Variants in ADRA1A observed in about 807,000 individuals in gnomAD.
The protein encoded by ADRA1A is adrenoceptor alpha 1A.
In ADRA1A, 31 loss-of-function variants were observed where a neutral mutation model predicts 29.6. The observed-to-expected ratio is 1.05, with a 90% CI of 0.79 to 1.41. ADRA1A has a LOEUF of 1.41. Ranked by LOEUF, ADRA1A falls within the 40% of genes most tolerant of loss-of-function variation. The pLI is 0.00. For missense variants in ADRA1A, 619 were observed against 601.1 expected, an observed-to-expected ratio of 1.03 and a Z score of -0.31; for synonymous variants, 311 against 254.3, an observed-to-expected ratio of 1.22 and a Z score of -2.12.
chr8:26,784,715 A>G (rs1383321437), intron 2 of ADRA1A, among the ~76,000 whole-genome samples: 1 of 152,158 alleles, frequency 6.6e-6, no homozygotes, highest in African/African-American at 2.4e-5. Context: ...GAACCTGGGG[A>G]TCTGGCATGA....
At chr8:26,840,966 T>C (rs1482416294) in intron 2 of ADRA1A, among the ~76,000 whole-genome samples, 1 of 152,160 alleles carries the variant, frequency 6.6e-6, no homozygotes, top group Non-Finnish European at 1.5e-5. Context: ...ATAGCAGGAA[T>C]AGGCTGGTTG....
chr8:26,771,608 A>C (rs1437183600), intron 2 of ADRA1A, among the ~76,000 whole-genome samples: 1 of 152,230 alleles, frequency 6.6e-6, no homozygotes, highest in Non-Finnish European at 1.5e-5. Context: ...AAATGGAACA[A>C]CCTTAAGGAT....
intron 2 of ADRA1A, among the ~76,000 whole-genome samples, chr8:26,818,890 AAG>A (rs199933241): frequency 4.0e-5 from 6 of 151,676 alleles, no homozygotes; most frequent in Admixed American, 6.6e-5. Context: ...TTAAGAGGAA[AAG>A]AGAGAGAGAG....
At chr8:26,786,205 G>GGCCA (rs1807370057) in intron 2 of ADRA1A, among the ~76,000 whole-genome samples, 1 of 151,318 alleles carries the variant, frequency 6.6e-6, no homozygotes, top group Non-Finnish European at 1.5e-5. Context: ...CCCCTGCTCT[G>GGCCA]GCCACCCTGA....
intron 2 of ADRA1A, among the ~76,000 whole-genome samples, chr8:26,820,097 G>C (rs1409792177): frequency 6.6e-6 from 1 of 151,864 alleles, no homozygotes; most frequent in African/African-American, 2.4e-5. Context: ...AATATATGAA[G>C]CAAATATTAC....
intron 2 of ADRA1A, among the ~76,000 whole-genome samples, chr8:26,840,326 T>A (rs1811726439): frequency 6.6e-6 from 1 of 152,076 alleles, no homozygotes; most frequent in African/African-American, 2.4e-5. Flanking sequence ...TAGGAGAAGG[T>A]GTTGCATGCA....
chr8:26,784,308 G>A lies in ADRA1A; in HGVS notation c.884-13642C>T, dbSNP rs913709669. ...CCAGCCATGTTTCTAAGAAAAAGTC[G>A]TTTCCCGCTGTCGGGATTCCCCTCT... On this transcript the variant is annotated intron_variant, in intron 2 of 2. Transcript: ENST00000380573. 4.6e-5 allele frequency among the ~76,000 whole-genome samples: 7 copies of A among 152,190 alleles called. No individual in the cohort carries two copies. In the East Asian group the frequency reaches 7.7e-4, roughly 17 times the overall value.
At chr8:26,752,847 G>C (rs1804977841), downstream of ADRA1A, among the ~76,000 whole-genome samples, 1 of 152,178 alleles carries the variant, frequency 6.6e-6, no homozygotes, top group Non-Finnish European at 1.5e-5. Flanking sequence ...TATACGGCAG[G>C]CATTTCCTTA....
chr8:26,802,112 A>G (rs893501913), intron 2 of ADRA1A, among the ~76,000 whole-genome samples: 1 of 152,050 alleles, frequency 6.6e-6, no homozygotes, highest in Non-Finnish European at 1.5e-5. Context: ...ATTAAAGACT[A>G]TGAAACTACT....
At chr8:26,863,235 A>G (rs1813614191) in intron 2 of ADRA1A, among the ~76,000 whole-genome samples, 2 of 152,214 alleles carry the variant, frequency 1.3e-5, no homozygotes, top group South Asian at 4.1e-4. Flanking sequence ...TCATTGAAGG[A>G]GATAGATGTC....
chr8:26,864,453 C>G lies in ADRA1A; in HGVS notation c.517G>C (p.Glu173Gln). 1 of 1,613,452 alleles carries G rather than the reference C, an allele frequency of 6.2e-7. No individual in the cohort carries two copies. The highest frequency in any genetic ancestry group is 8.5e-7 in the Non-Finnish European group (1 of 1,180,034). Reference protein sequence around the residue: ...FGWRQPAPEDETICQINEEPG... With the variant: ...FGWRQPAPEDQTICQINEEPG... ...TCCTCGTTGATCTGGCAGATGGTCT[C>G]GTCCTCGGGGGCCGGCTGCCTCCAG... Residue 173 changes from glutamate to glutamine, a missense_variant, in exon 2 of 3, where the codon GAG becomes CAG. Transcript: ENST00000380573. The surrounding 1 kb of genome is among the most constrained non-coding windows in gnomAD (Gnocchi z 8.1).
Position 26,775,886 on chromosome 8 carries a change from G to A in ADRA1A, c.884-5220C>T, listed in dbSNP as rs561120506. ...CTCACTTCCACTGTAAAGGCCTCTA[G>A]ATGCCAAGAAGAAATTGAAACGAAT... is the stretch of plus-strand genomic sequence containing the variant. On this transcript the variant is annotated intron_variant, in intron 2 of 2. Coordinates refer to ENST00000380573, the MANE Select transcript of ADRA1A (RefSeq NM_000680.4). This position sits in a 1 kb window ranked among gnomAD's most constrained non-coding sequence, Gnocchi z 4.1. Among the ~76,000 whole-genome samples, 1 of 152,290 alleles carries A rather than the reference G, an allele frequency of 6.6e-6. No homozygotes were observed. The highest frequency in any genetic ancestry group is 6.5e-5 in the Admixed American group (1 of 15,300).
intron 2 of ADRA1A, among the ~76,000 whole-genome samples, chr8:26,834,923 C>A (rs1585794472): frequency 6.6e-6 from 1 of 152,094 alleles, no homozygotes; most frequent in African/African-American, 2.4e-5. Context: ...CTCAAATCAT[C>A]GTGTAAAGGG....
At position 26,787,155 on chromosome 8, in the gene ADRA1A, T is replaced by C. The variant is rs7821620; in HGVS notation, c.884-16489A>G. ...CAAACTCATGTTTTAAATTTCTAGATGATGCTATCTGCGAATCTGTCACTG... is the reference window on the plus strand; with the variant it reads ...CAAACTCATGTTTTAAATTTCTAGACGATGCTATCTGCGAATCTGTCACTG... On this transcript the variant is annotated intron_variant, in intron 2 of 2. Transcript: ENST00000380573. This position sits in a 1 kb window ranked among gnomAD's most constrained non-coding sequence, Gnocchi z 4.2. Among the ~76,000 whole-genome samples the C allele has an allele frequency of 0.34, 51,278 of 151,988 alleles. 9,971 individuals are homozygous for C. The highest frequency in any genetic ancestry group is 0.84 in the East Asian group (4,330 of 5,154).
chr8:26,809,141 C>T (rs61761840), intron 2 of ADRA1A, among the ~76,000 whole-genome samples: 10 of 152,170 alleles, frequency 6.6e-5, no homozygotes, highest in East Asian at 5.8e-4. Context: ...ACAATTTCAA[C>T]GGGCATTTCC....
chr8:26,753,567 T>G (rs189585122), downstream of ADRA1A, among the ~76,000 whole-genome samples: 16 of 152,316 alleles, frequency 1.1e-4, no homozygotes, highest in East Asian at 3.1e-3. Flanking sequence ...CTTATTTACT[T>G]ATTTCCTACA....
At chr8:26,827,220 C>T (rs1434118869) in intron 2 of ADRA1A, among the ~76,000 whole-genome samples, 1 of 152,170 alleles carries the variant, frequency 6.6e-6, no homozygotes, top group Non-Finnish European at 1.5e-5. Flanking sequence ...TTTCTAAAAA[C>T]TGCCACAAGA....
Position 26,787,601 on chromosome 8 carries a change from A to G in ADRA1A, c.884-16935T>C, listed in dbSNP as rs1807493963. Among the ~76,000 whole-genome samples, 1 of 151,920 alleles carries G rather than the reference A, an allele frequency of 6.6e-6. No individual in the cohort carries two copies. The highest frequency in any genetic ancestry group is 2.1e-4 in the South Asian group (1 of 4,804). ...TGGAGAGAAGGGAAAAGTGAAGGAG[A>G]GATGATAACAGAAATAGTTACCATC... On this transcript the variant is annotated intron_variant, in intron 2 of 2. Coordinates refer to ENST00000380573, the MANE Select transcript of ADRA1A (RefSeq NM_000680.4). The surrounding 1 kb of genome is among the most constrained non-coding windows in gnomAD (Gnocchi z 4.2).
Position 26,796,151 on chromosome 8 carries a change from G to C in ADRA1A, c.884-25485C>G, listed in dbSNP as rs373422024. Among the ~76,000 whole-genome samples, 27 of 152,244 alleles carry C rather than the reference G, an allele frequency of 1.8e-4. No homozygotes were observed. The highest frequency in any genetic ancestry group is 6.0e-4 in the African/African-American group (25 of 41,548). On this transcript the variant is annotated intron_variant, in intron 2 of 2. Coordinates refer to ENST00000380573, the MANE Select transcript of ADRA1A (RefSeq NM_000680.4). This position sits in a 1 kb window ranked among gnomAD's most constrained non-coding sequence, Gnocchi z 5.0. ...TCTAGAATTTGCTTCCAAAGAACCTGAGTGGAGTGAGAAATCTGAATAAAA... is the reference window on the plus strand; with the variant it reads ...TCTAGAATTTGCTTCCAAAGAACCTCAGTGGAGTGAGAAATCTGAATAAAA...
Sources: allele counts gnomAD v4.1 joint callset (sites outside exome capture counted in the v4.1 genomes callset), GRCh38; gene constraint gnomAD v4.1.1; non-coding constraint Gnocchi (gnomAD v3.1); transcripts MANE v1.5; gene names NCBI Gene and HGNC (gene_info 2026-07-23, HGNC 2026-07-21).